CHN2: variants seen among roughly 807,000 people sequenced by gnomAD.
The protein encoded by CHN2 is chimerin 2.
In CHN2, 35 loss-of-function variants were observed where a neutral mutation model predicts 56.3. That is an observed-to-expected ratio of 0.62 (90% CI 0.47 to 0.82). CHN2 has a LOEUF of 0.82. Among genes scored for constraint, CHN2 ranks in the 40% least tolerant of loss-of-function variants. The pLI, the probability that CHN2 is intolerant of heterozygous loss-of-function variation, is 0.00. For missense variants in CHN2, 491 were observed against 580.5 expected (o/e 0.85, Z 1.58); for synonymous variants, 210 against 212.8 (o/e 0.99, Z 0.12).
At chr7:29,474,505 T>C (rs1054070675) in intron 6 of CHN2, among the ~76,000 whole-genome samples, 2 of 152,000 alleles carry the variant, frequency 1.3e-5, no homozygotes, top group Admixed American at 6.5e-5. Flanking sequence ...CAAACACCAG[T>C]GGGATATTAA....
intron 6 of CHN2, among the ~76,000 whole-genome samples, chr7:29,450,223 A>G (rs1382704790): frequency 6.6e-6 from 1 of 152,224 alleles, no homozygotes; most frequent in African/African-American, 2.4e-5. Context: ...GGAAGGTAGC[A>G]AGAATGAGTT....
rs1283274673 is a variant in CHN2, at chr7:29,512,763, C to T, written c.*28C>T. On this transcript the variant is annotated 3_prime_UTR_variant, in exon 13 of 13. Coordinates refer to ENST00000222792, the MANE Select transcript of CHN2 (RefSeq NM_004067.4). Reference sequence around the variant, plus strand: ...CATCAGGGAAATGAGCTGAATGGCCCCAGCACCATCCAAGTTGACACAGCT... The same window carrying T: ...CATCAGGGAAATGAGCTGAATGGCCTCAGCACCATCCAAGTTGACACAGCT... 6.3e-6 allele frequency: 10 copies of T among 1,592,976 alleles called. No homozygotes were observed. Among genetic ancestry groups the T allele is most frequent in the Non-Finnish European group, 8.5e-6 (10 of 1,170,768 alleles).
intron 1 of CHN2, among the ~76,000 whole-genome samples, chr7:29,346,560 G>T (rs1797455812): frequency 1.3e-5 from 2 of 152,242 alleles, no homozygotes; most frequent in South Asian, 4.1e-4. Flanking sequence ...ATGGCAGAGG[G>T]AGAAACCCAG....
chr7:29,341,880 T>A (rs1485227706), intron 1 of CHN2, among the ~76,000 whole-genome samples: 1 of 152,222 alleles, frequency 6.6e-6, no homozygotes, highest in African/African-American at 2.4e-5. Context: ...GATCTGGATT[T>A]GAATTCTACC....
intron 2 of CHN2, among the ~76,000 whole-genome samples, chr7:29,168,982 T>G (rs1292617010): frequency 6.6e-6 from 1 of 152,204 alleles, no homozygotes; most frequent in Non-Finnish European, 1.5e-5. Context: ...AAATTCTATT[T>G]GATGAAAATG....
chr7:29,304,695 C>T (rs1416765707), intron 1 of CHN2, among the ~76,000 whole-genome samples: 1 of 152,180 alleles, frequency 6.6e-6, no homozygotes, highest in Non-Finnish European at 1.5e-5. Flanking sequence ...AGCCCTCGCC[C>T]ATGTAGAATA....
chr7:29,499,366 G>C (rs902363905), intron 8 of CHN2, among the ~76,000 whole-genome samples: 1 of 152,164 alleles, frequency 6.6e-6, no homozygotes, highest in Non-Finnish European at 1.5e-5. Flanking sequence ...TTCCAGGAAA[G>C]GGGAAGAGGA....
intron 6 of CHN2, among the ~76,000 whole-genome samples, chr7:29,451,907 G>A (rs986585320): frequency 6.6e-6 from 1 of 152,154 alleles, no homozygotes; most frequent in South Asian, 2.1e-4. Flanking sequence ...CCTAGAGGTG[G>A]TCTCCTAGGC....
At chr7:29,309,899 G>A (rs932716390) in intron 1 of CHN2, among the ~76,000 whole-genome samples, 1 of 152,150 alleles carries the variant, frequency 6.6e-6, no homozygotes, top group South Asian at 2.1e-4. Flanking sequence ...GTTGTCTAGG[G>A]TCTGGGGAAT....
intron 6 of CHN2, 99 bp from the exon 7 acceptor site, chr7:29,480,180 A>T: frequency 6.2e-7 from 1 of 1,608,204 alleles, no homozygotes; most frequent in Non-Finnish European, 8.5e-7. Context: ...TAAGCAGGGC[A>T]GGAAACGCCA....
intron 3 of CHN2, among the ~76,000 whole-genome samples, chr7:29,386,851 C>T (rs546939022): frequency 3.0e-4 from 45 of 152,310 alleles, no homozygotes; most frequent in African/African-American, 1.1e-3. Flanking sequence ...TGATGGAATT[C>T]AGTTCATTCA....
At chr7:29,224,513 C>G (rs907533677) in intron 1 of CHN2, among the ~76,000 whole-genome samples, 1 of 152,136 alleles carries the variant, frequency 6.6e-6, no homozygotes, top group African/African-American at 2.4e-5. Context: ...AATTCAGAAG[C>G]TAAAGGTTCA....
At position 29,337,490 on chromosome 7, in the gene CHN2, G is replaced by A. The variant is rs187821993; in HGVS notation, c.50-17135G>A. Among the ~76,000 whole-genome samples the A allele has an allele frequency of 2.0e-5, 3 of 152,292 alleles. No individual in the cohort carries two copies. The South Asian group carries it at 6.2e-4, about 32-fold the overall frequency. ...CATAACAGCAGAGTGCGGAGAGGGG[G>A]TCTATTCTTCTCACTCTGTTATGTA... On this transcript the variant is annotated intron_variant, in intron 1 of 12. Coordinates refer to ENST00000222792, the MANE Select transcript of CHN2 (RefSeq NM_004067.4).
At chr7:29,291,193 G>C (rs1792585109) in intron 1 of CHN2, among the ~76,000 whole-genome samples, 1 of 152,158 alleles carries the variant, frequency 6.6e-6, no homozygotes, top group South Asian at 2.1e-4. Context: ...TTGCCTCTTA[G>C]TGCGCATGCT....
chr7:29,213,123 T>C, intron 1 of CHN2: 7 of 1,582,644 alleles, frequency 4.4e-6, no homozygotes, highest in East Asian at 2.2e-5. Flanking sequence ...AAGGCCTTAA[T>C]GTAATAAGCA....
At chr7:29,424,493 G>T (rs1401643702) in intron 6 of CHN2, among the ~76,000 whole-genome samples, 1 of 152,112 alleles carries the variant, frequency 6.6e-6, no homozygotes, top group East Asian at 1.9e-4. Context: ...TCCCCCAAGG[G>T]AACATCAGCA....
chr7:29,303,221 A>G (rs1399689568), intron 1 of CHN2, among the ~76,000 whole-genome samples: 1 of 152,030 alleles, frequency 6.6e-6, no homozygotes, highest in African/African-American at 2.4e-5. Context: ...TCTCTAAGTT[A>G]TTTTCATGAT....
intron 3 of CHN2, among the ~76,000 whole-genome samples, chr7:29,381,731 C>T (rs577589451): frequency 1.5e-3 from 214 of 144,432 alleles, no homozygotes; most frequent in Non-Finnish European, 2.7e-3. Flanking sequence ...TGGCTCCAGC[C>T]CTGGAGATTT....
intron 1 of CHN2, among the ~76,000 whole-genome samples, chr7:29,291,484 A>G (rs541366239): frequency 6.6e-6 from 1 of 152,244 alleles, no homozygotes; most frequent in East Asian, 1.9e-4. Flanking sequence ...TATACATGTA[A>G]ATATGTATTT....
Sources: gnomAD v4.1 joint callset for allele counts (sites outside exome capture counted in the v4.1 genomes callset) on GRCh38, gnomAD v4.1.1 for gene constraint, MANE v1.5 for transcripts, NCBI Gene and HGNC (gene_info 2026-07-23, HGNC 2026-07-21) for gene names.